The following CTNNA3 variants were observed in gnomAD, a reference collection of about 807,000 sequenced individuals.
CTNNA3 encodes the protein catenin alpha-3.
Under a neutral mutation model 95.7 loss-of-function variants are expected in CTNNA3, and 76 were observed. That is an observed-to-expected ratio of 0.79 (90% CI 0.66 to 0.96). The LOEUF is 0.96. CTNNA3 is among the 40% of genes least tolerant of loss of function. The probability of loss-of-function intolerance (pLI) is 0.00; values close to 1 mark genes in which losing one functional copy is unlikely to be tolerated. For synonymous variants in CTNNA3, 431 were observed against 374.4 expected (o/e 1.15, Z -1.74); for missense variants, 1,191 against 1,089.8 (o/e 1.09, Z -1.31).
intron 2 of CTNNA3, among the ~76,000 whole-genome samples, chr10:67,645,099 C>A (rs1224736425): frequency 6.6e-6 from 1 of 152,004 alleles, no homozygotes; most frequent in Non-Finnish European, 1.5e-5. Flanking sequence ...TTACTCAGGT[C>A]ATTTTCATCC....
At chr10:66,288,429 G>A (rs2091625791) in intron 12 of CTNNA3, among the ~76,000 whole-genome samples, 1 of 151,984 alleles carries the variant, frequency 6.6e-6, no homozygotes. Context: ...AATGCAAATA[G>A]CAATAAATTA....
chr10:65,952,328 A>G (rs1348134439), intron 17 of CTNNA3, among the ~76,000 whole-genome samples: 1 of 152,178 alleles, frequency 6.6e-6, no homozygotes, highest in Non-Finnish European at 1.5e-5. Flanking sequence ...GATTACTTCC[A>G]TGTACCTCCT....
chr10:67,276,346 G>A (rs914112308), intron 5 of CTNNA3, among the ~76,000 whole-genome samples: 1 of 152,124 alleles, frequency 6.6e-6, no homozygotes, highest in Non-Finnish European at 1.5e-5. Flanking sequence ...AGTTGTTGCA[G>A]TAGGCTTCAA....
intron 16 of CTNNA3, among the ~76,000 whole-genome samples, chr10:65,973,055 C>T (rs537296381): frequency 3.5e-4 from 53 of 152,178 alleles, no homozygotes; most frequent in African/African-American, 1.3e-3. Context: ...AATAAAGCTG[C>T]ACAACTAAAA....
intron 5 of CTNNA3, among the ~76,000 whole-genome samples, chr10:67,326,230 A>G (rs2132566940): frequency 6.6e-6 from 1 of 152,284 alleles, no homozygotes; most frequent in East Asian, 1.9e-4. Context: ...TTTACACTCA[A>G]GGTTAGTAAT....
At chr10:66,306,404 A>G (rs557094479) in intron 12 of CTNNA3, among the ~76,000 whole-genome samples, 2 of 151,894 alleles carry the variant, frequency 1.3e-5, no homozygotes, top group East Asian at 3.9e-4. Flanking sequence ...TACTGCCAAT[A>G]TAGAAAGCCA....
chr10:66,335,228 C>A (rs774483953), intron 12 of CTNNA3, among the ~76,000 whole-genome samples: 1 of 152,134 alleles, frequency 6.6e-6, no homozygotes, highest in African/African-American at 2.4e-5. Flanking sequence ...CTTCTCTCAA[C>A]TCGTCAAAGT....
chr10:66,464,679 C>G (rs2131856873), intron 11 of CTNNA3, among the ~76,000 whole-genome samples: 1 of 151,954 alleles, frequency 6.6e-6, no homozygotes, highest in South Asian at 2.1e-4. Flanking sequence ...ATAAGAATCA[C>G]TTGAACCTAG....
chr10:67,503,890 G>T (rs1055535169), intron 5 of CTNNA3, among the ~76,000 whole-genome samples: 1 of 152,204 alleles, frequency 6.6e-6, no homozygotes, highest in Admixed American at 6.5e-5. Context: ...AGGCGCGGTG[G>T]CTCATGCCTG....
chr10:67,371,012 G>A (rs1246700446), intron 5 of CTNNA3, among the ~76,000 whole-genome samples: 1 of 149,500 alleles, frequency 6.7e-6, no homozygotes, highest in East Asian at 2.0e-4. Context: ...GACTACAGGC[G>A]CCCGCCGCTA....
intron 1 of CTNNA3, among the ~76,000 whole-genome samples, chr10:67,718,691 C>T (rs1175593249): frequency 6.6e-6 from 1 of 152,122 alleles, no homozygotes; most frequent in East Asian, 1.9e-4. Flanking sequence ...TTTTGATGTG[C>T]TGCTGGATTT....
At chr10:67,546,534 T>G (rs979763714) in intron 3 of CTNNA3, among the ~76,000 whole-genome samples, 3 of 152,206 alleles carry the variant, frequency 2.0e-5, no homozygotes, top group African/African-American at 7.2e-5. Flanking sequence ...TAAAGTGGTT[T>G]ACAGTAAAAC....
At position 66,296,572 on chromosome 10, in the gene CTNNA3, T is replaced by C. The variant is rs74141411; in HGVS notation, c.1733-15951A>G. 7.5e-4 allele frequency among the ~76,000 whole-genome samples: 112 copies of C among 150,014 alleles called. No homozygotes were observed. The South Asian group carries it at 0.014, about 18-fold the overall frequency. ...GTGTGCATGCGTGTGTGTATATATA[T>C]ACACACACACACAGATCTATATATC... On this transcript the variant is annotated intron_variant, in intron 12 of 17. Transcript: ENST00000433211.
chr10:66,247,813 C>G (rs1453323479), intron 13 of CTNNA3, among the ~76,000 whole-genome samples: 1 of 152,148 alleles, frequency 6.6e-6, no homozygotes, highest in Admixed American at 6.5e-5. Context: ...GGAATTTCAT[C>G]AACACCAGAC....
chr10:67,413,594 A>G (rs1257230999), intron 5 of CTNNA3, among the ~76,000 whole-genome samples: 1 of 152,172 alleles, frequency 6.6e-6, no homozygotes, highest in African/African-American at 2.4e-5. Context: ...AAATGGGCCT[A>G]TAAAGCACTC....
chr10:66,230,676 G>T (rs1250036683), intron 13 of CTNNA3, among the ~76,000 whole-genome samples: 1 of 152,104 alleles, frequency 6.6e-6, no homozygotes, highest in African/African-American at 2.4e-5. Context: ...AGTTTATGGA[G>T]AGCGTGCACA....
chr10:67,424,135 C>T (rs974144776), intron 5 of CTNNA3, among the ~76,000 whole-genome samples: 7 of 152,142 alleles, frequency 4.6e-5, no homozygotes, highest in Admixed American at 4.6e-4. Flanking sequence ...CACCCATTAT[C>T]TGTAGGTGTG....
chr10:66,388,262 T>G (rs922144975), intron 11 of CTNNA3, among the ~76,000 whole-genome samples: 1 of 152,156 alleles, frequency 6.6e-6, no homozygotes, highest in Non-Finnish European at 1.5e-5. Flanking sequence ...TGAAAGAATA[T>G]TTACAGTAAA....
chr10:66,537,438 G>C (rs1428238074), intron 10 of CTNNA3, among the ~76,000 whole-genome samples: 2 of 152,092 alleles, frequency 1.3e-5, no homozygotes, highest in African/African-American at 4.8e-5. Context: ...ATCCTCCATT[G>C]AAATTAGACT....
Sources: allele counts gnomAD v4.1 joint callset (sites outside exome capture counted in the v4.1 genomes callset), GRCh38; gene constraint gnomAD v4.1.1; transcripts MANE v1.5; gene names NCBI Gene and HGNC (gene_info 2026-07-23, HGNC 2026-07-21).